Variants in CCDC146 observed in about 807,000 individuals in gnomAD.
CCDC146 encodes the protein coiled-coil domain containing 146, also known as coiled-coil domain-containing protein 146.
CCDC146 carries 92 observed loss-of-function variants against 119.3 expected under a neutral mutation model. The observed-to-expected ratio is 0.77, with a 90% CI of 0.65 to 0.92. CCDC146 has a LOEUF of 0.92. Ranked by LOEUF, CCDC146 falls within the 40% of genes least tolerant of loss-of-function variation. The probability of loss-of-function intolerance (pLI) is 0.00; values close to 1 mark genes in which losing one functional copy is unlikely to be tolerated. For synonymous variants in CCDC146, 372 were observed against 371.8 expected, an observed-to-expected ratio of 1.00 and a Z score of -0.01; for missense variants, 1,000 against 1,103.0, an observed-to-expected ratio of 0.91 and a Z score of 1.32.
chr7:77,171,442 A>C (rs370247354), intron 2 of CCDC146, among the ~76,000 whole-genome samples: 13 of 152,318 alleles, frequency 8.5e-5, no homozygotes, highest in African/African-American at 2.9e-4. Context: ...AGAAGACCGG[A>C]GGGATAATAC....
intron 15 of CCDC146, among the ~76,000 whole-genome samples, chr7:77,285,815 G>T (rs1178860047): frequency 6.6e-6 from 1 of 152,200 alleles, no homozygotes; most frequent in East Asian, 1.9e-4. Context: ...TGATACATAT[G>T]ACACTATATT....
chr7:77,191,099 G>T (rs1370908393), intron 2 of CCDC146, among the ~76,000 whole-genome samples: 1 of 152,052 alleles, frequency 6.6e-6, no homozygotes, highest in Non-Finnish European at 1.5e-5. Context: ...TAACATCATG[G>T]ATAGGTTCTT....
chr7:77,243,761 A>G (rs1336904214), intron 4 of CCDC146, among the ~76,000 whole-genome samples: 3 of 152,242 alleles, frequency 2.0e-5, no homozygotes, highest in African/African-American at 7.2e-5. Context: ...ATAGGAGATA[A>G]CAGCTCCTAA....
chr7:77,286,718 C>A, intron 15 of CCDC146, 80 bp from the exon 16 acceptor site: 1 of 1,470,514 alleles, frequency 6.8e-7, no homozygotes, highest in Non-Finnish European at 9.3e-7. Context: ...CTAAAAAACT[C>A]TCAAGACCCT....
chr7:77,199,783 G>A lies in CCDC146; in HGVS notation c.156+31959G>A, dbSNP rs1007078267. 7 of 1,613,662 alleles carry A rather than the reference G, an allele frequency of 4.3e-6. No homozygotes were observed. In the African/African-American group the frequency reaches 9.3e-5, roughly 22 times the overall value. On this transcript the variant is annotated intron_variant, in intron 2 of 18. Coordinates refer to ENST00000285871, the MANE Select transcript of CCDC146 (RefSeq NM_020879.3). ...AGCTGAGCTCAGCCAGTACCAGTTAGCCAGCTTCATCTTTACAGTGCTGCT... is the reference window on the plus strand; with the variant it reads ...AGCTGAGCTCAGCCAGTACCAGTTAACCAGCTTCATCTTTACAGTGCTGCT...
rs1790681297 is a variant in CCDC146 at position 77,125,654 on chromosome 7, TA to T, written c.-12+2925del. ...ATTTTATTTAATGATTTATGTTCAA[TA>T]AATGGACAGCAGAGGTCATAAGAGA... On this transcript the variant is annotated intron_variant, in intron 1 of 18. Coordinates refer to ENST00000285871, the MANE Select transcript of CCDC146 (RefSeq NM_020879.3). Among the ~76,000 whole-genome samples, 3 of 152,120 alleles carry T rather than the reference TA, an allele frequency of 2.0e-5. No individual in the cohort carries two copies. In the East Asian group the frequency reaches 5.8e-4, roughly 29 times the overall value.
chr7:77,196,673 C>T lies in CCDC146; in HGVS notation c.156+28849C>T, dbSNP rs1177549201. On this transcript the variant is annotated intron_variant, in intron 2 of 18. Coordinates refer to ENST00000285871, the MANE Select transcript of CCDC146 (RefSeq NM_020879.3). The surrounding 1 kb of genome is among the most constrained non-coding windows in gnomAD (Gnocchi z 4.2). The stretch of plus-strand genomic sequence containing the variant: ...ATCATACAAGGCATATAGTTCGACA[C>T]CATTAAAGTCTTCAAGATCTATTCT... 1.2e-6 allele frequency: 2 copies of T among 1,614,150 alleles called. No homozygotes were observed. The highest frequency in any genetic ancestry group is 1.7e-6 in the Non-Finnish European group (2 of 1,179,990).
chr7:77,186,604 C>T (rs1791670663), intron 2 of CCDC146, among the ~76,000 whole-genome samples: 1 of 151,942 alleles, frequency 6.6e-6, no homozygotes, highest in South Asian at 2.1e-4. Context: ...TAATTGTACA[C>T]CTTAAAATAA....
intron 8 of CCDC146, among the ~76,000 whole-genome samples, chr7:77,261,627 G>A (rs896088623): frequency 2.0e-5 from 3 of 152,030 alleles, no homozygotes; most frequent in East Asian, 1.9e-4. Flanking sequence ...ACAGGCGCCC[G>A]CCACCGCGCC....
At chr7:77,226,338 A>C (rs941763172) in intron 2 of CCDC146, among the ~76,000 whole-genome samples, 8 of 152,222 alleles carry the variant, frequency 5.3e-5, no homozygotes, top group African/African-American at 1.9e-4. Flanking sequence ...CAAAGAAGTC[A>C]CAAGAACAGG....
rs185280371 is a variant in CCDC146 at position 77,194,375 on chromosome 7, A to G, written c.156+26551A>G. On this transcript the variant is annotated intron_variant, in intron 2 of 18. Transcript: ENST00000285871. ...AAAAGTAAAAAACAACGTCAGTTAC[A>G]TCATTTACATTTGGTATCCCACCTA... 144 of 152,252 alleles carry G rather than the reference A, an allele frequency of 9.5e-4. 1 individual carries two copies. The highest frequency in any genetic ancestry group is 3.3e-3 in the African/African-American group (136 of 41,598). 9.4% of individuals were successfully genotyped at this position (152,252 alleles called of 1,614,324 possible). A position where few individuals can be genotyped will look rare whatever the true frequency, so the allele number is the denominator to read the frequency against.
At chr7:77,247,401 C>A (rs548108711) in intron 4 of CCDC146, among the ~76,000 whole-genome samples, 8 of 152,302 alleles carry the variant, frequency 5.3e-5, no homozygotes, top group South Asian at 2.1e-4. Flanking sequence ...ACTACTACCC[C>A]CTGGTGGCAG....
At chr7:77,165,300 T>C (rs901380192) in intron 1 of CCDC146, among the ~76,000 whole-genome samples, 1 of 152,072 alleles carries the variant, frequency 6.6e-6, no homozygotes, top group African/African-American at 2.4e-5. Flanking sequence ...CTGCACTTGG[T>C]TTAATGCCCT....
At chr7:77,280,153 G>C (rs889136548) in intron 13 of CCDC146, among the ~76,000 whole-genome samples, 9 of 152,108 alleles carry the variant, frequency 5.9e-5, no homozygotes, top group Non-Finnish European at 1.2e-4. Flanking sequence ...ATAAATGAAT[G>C]ACTGCAGTCT....
chr7:77,252,599 A>G (rs1793096632), intron 4 of CCDC146, among the ~76,000 whole-genome samples: 1 of 152,252 alleles, frequency 6.6e-6, no homozygotes, highest in Non-Finnish European at 1.5e-5. Context: ...CCAGTAAGAA[A>G]TTAAACATAA....
intron 8 of CCDC146, 42 bp from the exon 9 acceptor site, chr7:77,262,079 G>A: frequency 6.7e-7 from 1 of 1,491,290 alleles, no homozygotes; most frequent in Non-Finnish European, 9.1e-7. Flanking sequence ...TAGGACAGCT[G>A]ATAACAAAAT....
chr7:77,183,760 T>G (rs571132395), intron 2 of CCDC146, among the ~76,000 whole-genome samples: 3 of 152,354 alleles, frequency 2.0e-5, no homozygotes, highest in South Asian at 4.1e-4. Flanking sequence ...TTTTCTTTCC[T>G]GTTTTTCCAG....
chr7:77,130,597 CTTTT>C (rs34309739), intron 1 of CCDC146, among the ~76,000 whole-genome samples: 3 of 125,750 alleles, frequency 2.4e-5, no homozygotes. Flanking sequence ...TCCTTTCTTT[CTTTT>C]TTTTTTTTTT....
chr7:77,185,945 T>C (rs1367665933), intron 2 of CCDC146, among the ~76,000 whole-genome samples: 3 of 152,176 alleles, frequency 2.0e-5, no homozygotes, highest in African/African-American at 7.2e-5. Flanking sequence ...CAACGAGATA[T>C]CATCTCACCC....
Sources: gnomAD v4.1 joint callset for allele counts (sites outside exome capture counted in the v4.1 genomes callset) on GRCh38, gnomAD v4.1.1 for gene constraint, Gnocchi (gnomAD v3.1) non-coding constraint, MANE v1.5 for transcripts, NCBI Gene and HGNC (gene_info 2026-07-23, HGNC 2026-07-21) for gene names.